Variants in UBE2K observed in about 807,000 individuals in gnomAD.
UBE2K encodes the protein ubiquitin conjugating enzyme E2 K, also known as ubiquitin-conjugating enzyme E2 K.
Under a neutral mutation model 30.0 loss-of-function variants are expected in UBE2K, and 6 were observed. That is an observed-to-expected ratio of 0.20 (90% CI 0.11 to 0.39). UBE2K has a LOEUF of 0.39. UBE2K is among the 10% of genes least tolerant of loss of function. UBE2K has a pLI of 1.00. For synonymous variants in UBE2K, 86 were observed against 83.7 expected, an observed-to-expected ratio of 1.03 and a Z score of -0.15; for missense variants, 61 against 241.6, an observed-to-expected ratio of 0.25 and a Z score of 4.96.
At chr4:39,732,308 G>T (rs1720117753) in intron 1 of UBE2K, among the ~76,000 whole-genome samples, 1 of 152,166 alleles carries the variant, frequency 6.6e-6, no homozygotes, top group Non-Finnish European at 1.5e-5. Context: ...AATATACTTT[G>T]TATTTAGTCC....
intron 1 of UBE2K, among the ~76,000 whole-genome samples, chr4:39,727,638 G>T (rs1162515572): frequency 6.6e-6 from 1 of 150,988 alleles, no homozygotes; most frequent in African/African-American, 2.4e-5. Flanking sequence ...GGGTTCAAAT[G>T]ATCAGCCCAT....
At chr4:39,731,538 C>T (rs994636739) in intron 1 of UBE2K, among the ~76,000 whole-genome samples, 3 of 151,910 alleles carry the variant, frequency 2.0e-5, no homozygotes, top group Non-Finnish European at 4.4e-5. Flanking sequence ...AAAAATTAGC[C>T]AGGCGTGGTG....
At chr4:39,770,589 C>G in intron 4 of UBE2K, 14 of 1,582,118 alleles carry the variant, frequency 8.8e-6, no homozygotes, top group Non-Finnish European at 1.1e-5. Context: ...CACGCTGGCC[C>G]GGCCTCCCGG....
In UBE2K at chr4:39,698,183, G is replaced by A. The variant is rs1717794760; in HGVS notation, c.-145G>A. The A allele has an allele frequency of 2.5e-6, 2 of 801,286 alleles. No individual in the cohort carries two copies. The highest frequency in any genetic ancestry group is 1.7e-5 in the African/African-American group (1 of 58,894). The allele number at this position is 801,286 out of a possible 1,614,324, so 49.6% of individuals were successfully genotyped here. On this transcript the variant is annotated 5_prime_UTR_variant, in exon 1 of 7. Coordinates refer to ENST00000261427, the MANE Select transcript of UBE2K (RefSeq NM_005339.5). Reference sequence around the variant, plus strand: ...GAGGTGATTCCACACTGAGGCGAGCGCGGCGGCCGGGGTGGTAGTGGCAGT... The same window carrying A: ...GAGGTGATTCCACACTGAGGCGAGCACGGCGGCCGGGGTGGTAGTGGCAGT...
chr4:39,731,147 C>G (rs931680535), intron 1 of UBE2K, among the ~76,000 whole-genome samples: 36 of 152,238 alleles, frequency 2.4e-4, no homozygotes, highest in Middle Eastern at 3.4e-3. Context: ...CCTGCCTCAG[C>G]CTCCCAAAGT....
At chr4:39,768,039 T>C (rs145749474) in intron 4 of UBE2K, among the ~76,000 whole-genome samples, 28 of 152,300 alleles carry the variant, frequency 1.8e-4, no homozygotes, top group African/African-American at 6.7e-4. Context: ...TTTATGCTGA[T>C]AACATCTAGG....
At chr4:39,711,792 C>T (rs1043558404) in intron 1 of UBE2K, among the ~76,000 whole-genome samples, 1 of 151,696 alleles carries the variant, frequency 6.6e-6, no homozygotes, top group Non-Finnish European at 1.5e-5. Flanking sequence ...AATCCCAGCA[C>T]TTTAGGAGGC....
intron 1 of UBE2K, among the ~76,000 whole-genome samples, chr4:39,711,812 C>T (rs1018900833): frequency 2.0e-5 from 3 of 151,574 alleles, no homozygotes; most frequent in Non-Finnish European, 4.4e-5. Context: ...CAAAGGCGGG[C>T]GGATCACCTG....
intron 3 of UBE2K, among the ~76,000 whole-genome samples, chr4:39,746,485 C>G (rs575308126): frequency 6.6e-6 from 1 of 152,146 alleles, no homozygotes; most frequent in African/African-American, 2.4e-5. Context: ...CCATCTTTTC[C>G]ATTTCTACTC....
chr4:39,771,455 C>T (rs1712828107), intron 4 of UBE2K: 1 of 1,567,816 alleles, frequency 6.4e-7, no homozygotes, highest in Non-Finnish European at 8.6e-7. Context: ...GGGTGGGCAA[C>T]CCTGGCCCGG....
At chr4:39,720,548 T>G (rs1417281922) in intron 1 of UBE2K, among the ~76,000 whole-genome samples, 6 of 152,182 alleles carry the variant, frequency 3.9e-5, no homozygotes, top group African/African-American at 7.2e-5. Context: ...ATAAGTGTGT[T>G]TGTTGACTTT....
At chr4:39,743,720 CTT>C (rs914979252) in intron 2 of UBE2K, among the ~76,000 whole-genome samples, 7 of 152,016 alleles carry the variant, frequency 4.6e-5, no homozygotes, top group African/African-American at 1.7e-4. Context: ...ATCTCATAGT[CTT>C]ATAAATAAAT....
intron 1 of UBE2K, among the ~76,000 whole-genome samples, chr4:39,728,724 C>T (rs908236185): frequency 1.2e-4 from 18 of 151,942 alleles, no homozygotes; most frequent in African/African-American, 3.6e-4. Context: ...CTGCAAGCTC[C>T]GCCTCCTGGG....
At position 39,698,169 on chromosome 4, in the gene UBE2K, A is replaced by C. The variant is rs1032094819; in HGVS notation, c.-159A>C. ...GGTGGCCGGGCGCGGAGGTGATTCCACACTGAGGCGAGCGCGGCGGCCGGG... is the reference window on the plus strand; with the variant it reads ...GGTGGCCGGGCGCGGAGGTGATTCCCCACTGAGGCGAGCGCGGCGGCCGGG... On this transcript the variant is annotated 5_prime_UTR_variant, in exon 1 of 7. Coordinates refer to ENST00000261427, the MANE Select transcript of UBE2K (RefSeq NM_005339.5). The C allele has an allele frequency of 1.3e-6, 1 of 745,870 alleles. No homozygotes were observed. Among genetic ancestry groups the C allele is most frequent in the East Asian group, 2.7e-5 (1 of 37,224 alleles). 46.2% of individuals were successfully genotyped at this position (745,870 alleles called of 1,614,324 possible).
chr4:39,719,464 A>G (rs748425601), intron 1 of UBE2K, among the ~76,000 whole-genome samples: 3 of 152,216 alleles, frequency 2.0e-5, no homozygotes, highest in Non-Finnish European at 4.4e-5. Context: ...AGTAATTTAA[A>G]GCACACCAAA....
chr4:39,761,773 C>A (rs1414398115), intron 4 of UBE2K, among the ~76,000 whole-genome samples: 1 of 152,086 alleles, frequency 6.6e-6, no homozygotes, highest in African/African-American at 2.4e-5. Flanking sequence ...CAGTTATATA[C>A]TTTTTCACAT....
At chr4:39,707,001 G>T (rs753709229) in intron 1 of UBE2K, among the ~76,000 whole-genome samples, 7 of 152,004 alleles carry the variant, frequency 4.6e-5, no homozygotes, top group Non-Finnish European at 7.4e-5. Context: ...CCGCCTCCTG[G>T]CTTCAAGTGA....
chr4:39,773,837 C>T (rs1367877295), intron 4 of UBE2K, among the ~76,000 whole-genome samples: 3 of 152,030 alleles, frequency 2.0e-5, no homozygotes, highest in Admixed American at 6.6e-5. Flanking sequence ...AGGAGAATAG[C>T]GTGAACCCGG....
At position 39,717,784 on chromosome 4, in the gene UBE2K, C is replaced by T. The variant is rs191683401; in HGVS notation, c.63+19394C>T. ...TCCGGAGTTTGTTCCTTCTGATGTT[C>T]GGTTGTGTTCGGAGTTTCTTCCTTC... On this transcript the variant is annotated intron_variant, in intron 1 of 6. Transcript: ENST00000261427. Among the ~76,000 whole-genome samples, 109 of 151,930 alleles carry T rather than the reference C, an allele frequency of 7.2e-4. 2 individuals are homozygous for T. In the East Asian group the frequency reaches 0.019, roughly 26 times the overall value.
Sources: allele counts gnomAD v4.1 joint callset (sites outside exome capture counted in the v4.1 genomes callset), GRCh38; gene constraint gnomAD v4.1.1; transcripts MANE v1.5; gene names NCBI Gene and HGNC (gene_info 2026-07-23, HGNC 2026-07-21).